Variants in TTC7B observed in about 807,000 individuals in gnomAD.
TTC7B encodes the protein tetratricopeptide repeat protein 7B.
TTC7B carries 28 observed loss-of-function variants against 106.8 expected under a neutral mutation model. The ratio of observed to expected loss-of-function variants is 0.26; its 90% CI spans 0.19 to 0.36. TTC7B has a LOEUF of 0.36. TTC7B is among the 10% of genes least tolerant of loss of function. TTC7B has a pLI of 1.00. For synonymous variants in TTC7B, 405 were observed against 430.6 expected, an observed-to-expected ratio of 0.94 and a Z score of 0.74; for missense variants, 862 against 1,076.4, an observed-to-expected ratio of 0.80 and a Z score of 2.79.
chr14:90,649,427 C>G (rs935654818), intron 13 of TTC7B, among the ~76,000 whole-genome samples: 2 of 152,176 alleles, frequency 1.3e-5, no homozygotes, highest in Non-Finnish European at 1.5e-5. Flanking sequence ...TGGTATGCCA[C>G]AGGCAACTCG....
chr14:90,666,942 G>A (rs913810959), intron 9 of TTC7B, among the ~76,000 whole-genome samples: 3 of 152,178 alleles, frequency 2.0e-5, no homozygotes, highest in Non-Finnish European at 2.9e-5. Context: ...AGGGGTCTCC[G>A]GGGTCCTACT....
At chr14:90,613,562 C>G (rs193237584) in intron 16 of TTC7B, among the ~76,000 whole-genome samples, 2 of 152,334 alleles carry the variant, frequency 1.3e-5, no homozygotes, top group East Asian at 3.9e-4. Flanking sequence ...TTGAGCAACC[C>G]TGAGTCTCCC....
intron 5 of TTC7B, among the ~76,000 whole-genome samples, chr14:90,703,311 G>A (rs1888071633): frequency 6.6e-6 from 1 of 152,202 alleles, no homozygotes; most frequent in Non-Finnish European, 1.5e-5. Flanking sequence ...AATTCTGAGT[G>A]GCAAAGTCAC....
At chr14:90,551,192 GAC>G (rs1380838287) in intron 19 of TTC7B, among the ~76,000 whole-genome samples, 1 of 152,216 alleles carries the variant, frequency 6.6e-6, no homozygotes, top group Non-Finnish European at 1.5e-5. Context: ...GACCCTGCTG[GAC>G]ACAGAGTGGG....
intron 16 of TTC7B, among the ~76,000 whole-genome samples, chr14:90,613,015 C>T (rs1449069683): frequency 6.6e-6 from 1 of 152,164 alleles, no homozygotes; most frequent in East Asian, 1.9e-4. Context: ...GTGTGTCTGC[C>T]TTACTTCCTT....
intron 18 of TTC7B, among the ~76,000 whole-genome samples, chr14:90,581,417 C>T (rs548919628): frequency 8.6e-4 from 131 of 152,334 alleles, no homozygotes; most frequent in Non-Finnish European, 1.6e-3. Flanking sequence ...CCTAATGACA[C>T]CATCGGGCTG....
In TTC7B at chr14:90,744,000, C is replaced by T. The variant is rs55696011; in HGVS notation, c.576+792G>A. Among the ~76,000 whole-genome samples the T allele has an allele frequency of 2.2e-3, 337 of 152,320 alleles. 1 individual carries two copies. Among genetic ancestry groups the T allele is most frequent in the African/African-American group, 7.6e-3 (316 of 41,574 alleles). ...TCGTTTCCATCACCCACACCACAGG[C>T]GAAGCACTGAAGGCTGAGACCATCC... On this transcript the variant is annotated intron_variant, in intron 4 of 19. Transcript: ENST00000328459.
In TTC7B at chr14:90,533,684, G is replaced by A. The variant is rs574742521; in HGVS notation, c.*7684C>T. The A allele has an allele frequency of 7.9e-5, 12 of 152,424 alleles. 1 individual carries two copies. Among genetic ancestry groups the A allele is most frequent in the African/African-American group, 2.9e-4 (12 of 41,572 alleles). The allele number at this position is 152,424 out of a possible 1,614,324, so 9.4% of individuals were successfully genotyped here. ...GATCTGTGTGACCCACAGCCCAGTGGTCACCAGGAAACCCTATTGTCCTCA... is the reference window on the plus strand; with the variant it reads ...GATCTGTGTGACCCACAGCCCAGTGATCACCAGGAAACCCTATTGTCCTCA... On this transcript the variant is annotated 3_prime_UTR_variant, in exon 20 of 20. Coordinates refer to ENST00000328459, the MANE Select transcript of TTC7B (RefSeq NM_001010854.2).
chr14:90,656,325 T>A (rs1029442287), intron 11 of TTC7B, among the ~76,000 whole-genome samples: 4 of 152,130 alleles, frequency 2.6e-5, no homozygotes, highest in Admixed American at 2.0e-4. Flanking sequence ...TGACATGAAG[T>A]TAAAGAAAAG....
chr14:90,551,176 G>C (rs1890063841), intron 19 of TTC7B, among the ~76,000 whole-genome samples: 1 of 152,256 alleles, frequency 6.6e-6, no homozygotes, highest in African/African-American at 2.4e-5. Flanking sequence ...CCTTGCTGAA[G>C]GCCTTGACCC....
At chr14:90,579,401 C>T (rs1431360422) in intron 18 of TTC7B, among the ~76,000 whole-genome samples, 1 of 152,218 alleles carries the variant, frequency 6.6e-6, no homozygotes, top group East Asian at 1.9e-4. Flanking sequence ...AGGTTTGCAC[C>T]CCTATCTCCC....
intron 19 of TTC7B, among the ~76,000 whole-genome samples, chr14:90,547,323 C>T (rs1360315564): frequency 6.6e-6 from 1 of 152,242 alleles, no homozygotes; most frequent in Non-Finnish European, 1.5e-5. Context: ...TTAGCATCTT[C>T]CTCGCTTTTG....
intron 5 of TTC7B, among the ~76,000 whole-genome samples, chr14:90,727,123 G>A (rs1209976891): frequency 6.6e-6 from 1 of 152,188 alleles, no homozygotes; most frequent in East Asian, 1.9e-4. Flanking sequence ...AGGGCGAGGA[G>A]AAAGAGATGC....
intron 1 of TTC7B, among the ~76,000 whole-genome samples, chr14:90,812,717 G>C (rs546189203): frequency 6.6e-5 from 10 of 150,602 alleles, no homozygotes; most frequent in Middle Eastern, 3.4e-3. Context: ...TGGGTTTTTT[G>C]AGATGGTGCA....
At chr14:90,594,664 T>C (rs550882062) in intron 17 of TTC7B, among the ~76,000 whole-genome samples, 2 of 152,342 alleles carry the variant, frequency 1.3e-5, no homozygotes, top group African/African-American at 4.8e-5. Context: ...GAGTGGTAAC[T>C]ACCAACTCAT....
chr14:90,651,582 G>T (rs1277334357), intron 13 of TTC7B, among the ~76,000 whole-genome samples: 8 of 152,226 alleles, frequency 5.3e-5, no homozygotes, highest in Non-Finnish European at 8.8e-5. Context: ...TACAAACTAG[G>T]ACTGGAGAAT....
At chr14:90,727,881 C>T (rs1199723196) in intron 5 of TTC7B, among the ~76,000 whole-genome samples, 2 of 152,152 alleles carry the variant, frequency 1.3e-5, no homozygotes, top group African/African-American at 4.8e-5. Context: ...AAGTACCTCA[C>T]AAGGAAGCGT....
chr14:90,809,362 C>T (rs1423685622), intron 1 of TTC7B, among the ~76,000 whole-genome samples: 1 of 152,262 alleles, frequency 6.6e-6, no homozygotes, highest in Non-Finnish European at 1.5e-5. Context: ...CAGCCAATCA[C>T]AAGCAAGGGA....
rs547348083 is a variant in TTC7B at position 90,546,525 on chromosome 14, G to C, written c.2311-4936C>G. Among the ~76,000 whole-genome samples, 119 of 152,180 alleles carry C rather than the reference G, an allele frequency of 7.8e-4. 1 individual carries two copies. The highest frequency in any genetic ancestry group is 5.9e-5 in the Non-Finnish European group (4 of 68,006). On this transcript the variant is annotated intron_variant, in intron 19 of 19. Coordinates refer to ENST00000328459, the MANE Select transcript of TTC7B (RefSeq NM_001010854.2). ...CCCCTCCTGCCTCCCAGCTGCTGTC[G>C]GTCAGCTTGGGGCCTTCCTGCTAGA...
Sources: gnomAD v4.1 joint callset for allele counts (sites outside exome capture counted in the v4.1 genomes callset) on GRCh38, gnomAD v4.1.1 for gene constraint, MANE v1.5 for transcripts, NCBI Gene and HGNC (gene_info 2026-07-23, HGNC 2026-07-21) for gene names.